EEFSEC: variants seen among roughly 807,000 people sequenced by gnomAD.
EEFSEC encodes the protein selenocysteine-specific elongation factor.
EEFSEC carries 43 observed loss-of-function variants against 42.1 expected under a neutral mutation model. That is an observed-to-expected ratio of 1.02 (90% CI 0.80 to 1.32). The LOEUF (loss-of-function observed/expected upper bound fraction) is 1.32, where lower values mean the gene tolerates loss of function less well. Among genes scored for constraint, EEFSEC ranks in the 40% most tolerant of loss-of-function variants. The pLI, the probability that EEFSEC is intolerant of heterozygous loss-of-function variation, is 0.00. For missense variants in EEFSEC, 745 were observed against 803.6 expected (o/e 0.93, Z 0.88); for synonymous variants, 354 against 339.1 (o/e 1.04, Z -0.48).
At chr3:128,329,417 C>T (rs1192810051) in intron 4 of EEFSEC, among the ~76,000 whole-genome samples, 1 of 152,146 alleles carries the variant, frequency 6.6e-6, no homozygotes, top group Non-Finnish European at 1.5e-5. Context: ...GCCCCACCCC[C>T]CCCCACCCCC....
At chr3:128,425,158 C>T in the EEFSEC span, among the ~76,000 whole-genome samples, 1 of 152,230 alleles carries the variant, frequency 6.6e-6, no homozygotes, top group African/African-American at 2.4e-5. Context: ...GGTGCACCCC[C>T]ATGCTTCATG....
chr3:128,167,353 C>G (rs2065251498), intron 1 of EEFSEC, among the ~76,000 whole-genome samples: 1 of 152,182 alleles, frequency 6.6e-6, no homozygotes, highest in Admixed American at 6.5e-5. Flanking sequence ...GGCCTTGGTA[C>G]AGAGTAAATA....
At chr3:128,200,818 C>G (rs779549358) in intron 1 of EEFSEC, among the ~76,000 whole-genome samples, 6 of 152,192 alleles carry the variant, frequency 3.9e-5, no homozygotes, top group Non-Finnish European at 8.8e-5. Flanking sequence ...CAGATTGTCT[C>G]ATTAGGATGT....
chr3:128,185,402 T>C (rs528499006), intron 1 of EEFSEC, among the ~76,000 whole-genome samples: 69 of 152,244 alleles, frequency 4.5e-4, no homozygotes, highest in African/African-American at 1.5e-3. Context: ...AATAGAATAT[T>C]CTTTTGTGTG....
intron 6 of EEFSEC, among the ~76,000 whole-genome samples, chr3:128,368,421 C>T (rs1248139050): frequency 6.1e-5 from 9 of 148,680 alleles, no homozygotes; most frequent in African/African-American, 2.0e-4. Flanking sequence ...GGTGACAGAG[C>T]GAGACTCCAT....
intron 1 of EEFSEC, among the ~76,000 whole-genome samples, chr3:128,206,436 C>T (rs1355951484): frequency 6.6e-6 from 1 of 152,100 alleles, no homozygotes; most frequent in Non-Finnish European, 1.5e-5. Context: ...GGGAAAGGTT[C>T]CATCTCTGCT....
chr3:128,264,894 C>G, intron 4 of EEFSEC, 113 bp downstream of exon 4: 2 of 1,305,664 alleles, frequency 1.5e-6, no homozygotes, highest in Non-Finnish European at 2.1e-6. Context: ...CTGGGACTCC[C>G]ACTGCCTGCT....
chr3:128,215,661 T>C (rs906380559), intron 1 of EEFSEC, among the ~76,000 whole-genome samples: 4 of 152,182 alleles, frequency 2.6e-5, no homozygotes, highest in African/African-American at 9.7e-5. Flanking sequence ...CCAAACTGAT[T>C]CTTAAAACCA....
At chr3:128,405,010 C>G (rs2068092672) in intron 6 of EEFSEC, among the ~76,000 whole-genome samples, 2 of 150,066 alleles carry the variant, frequency 1.3e-5, no homozygotes, top group Admixed American at 1.3e-4. Flanking sequence ...ATCCAGCACC[C>G]TTGTCACTTT....
At chr3:128,177,181 A>G (rs937654994) in intron 1 of EEFSEC, among the ~76,000 whole-genome samples, 1 of 151,960 alleles carries the variant, frequency 6.6e-6, no homozygotes, top group Non-Finnish European at 1.5e-5. Flanking sequence ...GGAGGCTTAT[A>G]AGTGAATTTA....
At chr3:128,319,158 C>T (rs561819314) in intron 4 of EEFSEC, among the ~76,000 whole-genome samples, 30 of 152,314 alleles carry the variant, frequency 2.0e-4, no homozygotes, top group Non-Finnish European at 3.5e-4. Flanking sequence ...CTGTGTTTTT[C>T]TGAGGTCCTG....
chr3:128,404,853 C>T (rs1045501380), intron 6 of EEFSEC, among the ~76,000 whole-genome samples: 5 of 152,110 alleles, frequency 3.3e-5, no homozygotes, highest in South Asian at 2.1e-4. Context: ...TCTGGAGCCC[C>T]GTTCATATCA....
intron 6 of EEFSEC, among the ~76,000 whole-genome samples, chr3:128,382,297 T>C (rs1231063667): frequency 6.6e-6 from 1 of 152,210 alleles, no homozygotes; most frequent in Admixed American, 6.5e-5. Context: ...GCAGACACGC[T>C]GTGCCAGGAT....
At chr3:128,176,652 C>A (rs1394591576) in intron 1 of EEFSEC, among the ~76,000 whole-genome samples, 1 of 152,126 alleles carries the variant, frequency 6.6e-6, no homozygotes, top group Non-Finnish European at 1.5e-5. Context: ...AAATTGCAAA[C>A]ATGGTATAAT....
At chr3:128,284,003 CG>C (rs1444559564) in intron 4 of EEFSEC, among the ~76,000 whole-genome samples, 1 of 152,198 alleles carries the variant, frequency 6.6e-6, no homozygotes, top group Non-Finnish European at 1.5e-5. Flanking sequence ...CTGGAGAGCA[CG>C]GGTGCTGCCA....
At chr3:128,224,471 T>C (rs1264683688) in intron 1 of EEFSEC, among the ~76,000 whole-genome samples, 1 of 152,212 alleles carries the variant, frequency 6.6e-6, no homozygotes, top group Non-Finnish European at 1.5e-5. Context: ...ATGTTCCTAT[T>C]AGATCTGCCT....
chr3:128,266,684 G>C (rs2066357757), intron 4 of EEFSEC, among the ~76,000 whole-genome samples: 1 of 150,614 alleles, frequency 6.6e-6, no homozygotes, highest in Admixed American at 6.6e-5. Flanking sequence ...AGAGCTGGGT[G>C]TTAGGATGTC....
At chr3:128,176,463 A>G (rs559191933) in intron 1 of EEFSEC, among the ~76,000 whole-genome samples, 5 of 152,240 alleles carry the variant, frequency 3.3e-5, no homozygotes, top group Non-Finnish European at 5.9e-5. Context: ...AGCAAGCCAC[A>G]CGCCTTGTCT....
intron 5 of EEFSEC, among the ~76,000 whole-genome samples, chr3:128,349,590 C>T (rs530873723): frequency 3.3e-5 from 5 of 152,308 alleles, no homozygotes; most frequent in African/African-American, 1.2e-4. Context: ...TTACCACGCC[C>T]CAGGATGCCC....
Sources: gnomAD v4.1 joint callset for allele counts (sites outside exome capture counted in the v4.1 genomes callset) on GRCh38, gnomAD v4.1.1 for gene constraint, MANE v1.5 for transcripts, NCBI Gene and HGNC (gene_info 2026-07-23, HGNC 2026-07-21) for gene names.